Variants in LETMD1 observed in about 807,000 individuals in gnomAD.
The protein encoded by LETMD1 is LETM1 domain-containing protein 1.
Under a neutral mutation model 43.9 loss-of-function variants are expected in LETMD1, and 30 were observed. The observed-to-expected ratio is 0.68, with a 90% confidence interval of 0.51 to 0.93. The LOEUF (loss-of-function observed/expected upper bound fraction) is 0.93, where lower values mean the gene tolerates loss of function less well. LETMD1 is among the 40% of genes least tolerant of loss of function. LETMD1 has a pLI of 0.00. For missense variants in LETMD1, 413 were observed against 447.7 expected, an observed-to-expected ratio of 0.92 and a Z score of 0.70; for synonymous variants, 176 against 163.1, an observed-to-expected ratio of 1.08 and a Z score of -0.60.
intron 2 of LETMD1, among the ~76,000 whole-genome samples, chr12:51,050,169 A>G (rs951427308): frequency 2.0e-5 from 3 of 152,146 alleles, no homozygotes; most frequent in South Asian, 4.1e-4. Context: ...ATGTAGATAA[A>G]TAGGATCAAA....
At chr12:51,066,616 G>T in the LETMD1 span, among the ~76,000 whole-genome samples, 1 of 146,618 alleles carries the variant, frequency 6.8e-6, no homozygotes, top group Non-Finnish European at 1.5e-5. Context: ...ACTCCAGCCT[G>T]GGCGACAGAA....
At chr12:51,060,673 C>G (rs553043794), downstream of LETMD1, among the ~76,000 whole-genome samples, 1 of 151,962 alleles carries the variant, frequency 6.6e-6, no homozygotes, top group East Asian at 1.9e-4. Flanking sequence ...GAGGCTGAGG[C>G]GAGCGGATCA....
downstream of LETMD1, chr12:51,064,589 G>T: frequency 6.3e-7 from 1 of 1,598,792 alleles, no homozygotes; most frequent in Non-Finnish European, 8.5e-7. Flanking sequence ...TCCGGACCCG[G>T]ATTGGATTAA....
intron 3 of LETMD1, among the ~76,000 whole-genome samples, chr12:51,052,787 A>T (rs35713963): frequency 0.027 from 4,136 of 151,004 alleles, 85 homozygotes; most frequent in Non-Finnish European, 0.039. Flanking sequence ...TCTCAAAAAA[A>T]AATAATAATA....
chr12:51,059,310 G>T, intron 8 of LETMD1, 51 bp from the exon 9 acceptor site: 1 of 1,498,608 alleles, frequency 6.7e-7, no homozygotes, highest in Non-Finnish European at 9.3e-7. Flanking sequence ...ATATAACAAG[G>T]CAGTTATAAG....
chr12:51,050,327 A>G (rs1945677943), intron 2 of LETMD1, among the ~76,000 whole-genome samples: 1 of 151,794 alleles, frequency 6.6e-6, no homozygotes, highest in Non-Finnish European at 1.5e-5. Flanking sequence ...GATTCAAGCA[A>G]TTCTCCTGCC....
rs144918558 is a variant in LETMD1, at chr12:51,056,151, G to A, written c.668G>A (p.Arg223His). 211 of 1,614,152 alleles carry A rather than the reference G, an allele frequency of 1.3e-4. No individual in the cohort carries two copies. Among genetic ancestry groups the A allele is most frequent in the African/African-American group, 2.4e-4 (18 of 75,058 alleles). ...RLTDLCTKIQ[R>H]GTHPAIHDIL... ...TCTCTTACCTCTTCCAAGATACAGC[G>A]TGGTACCCACCCAGCAATACATGAT... The change falls in exon 6 of 9, where the codon CGT becomes CAT. Residue 223 changes from arginine (R) to histidine (H), a missense_variant. Physicochemically the swap from Arg to His is conservative, Grantham distance 29. Coordinates refer to ENST00000262055, the MANE Select transcript of LETMD1 (RefSeq NM_015416.5).
downstream of LETMD1, among the ~76,000 whole-genome samples, chr12:51,060,878 G>C (rs1474263719): frequency 2.0e-5 from 3 of 149,350 alleles, no homozygotes; most frequent in Non-Finnish European, 4.4e-5. Flanking sequence ...CTCCAGTCTG[G>C]GCGACAGAAT....
Position 51,048,536 on chromosome 12 carries a change from A to G in LETMD1, c.122+58A>G, listed in dbSNP as rs775722827. 11 of 1,594,332 alleles carry G rather than the reference A, an allele frequency of 6.9e-6. No homozygotes were observed. The Admixed American group carries it at 1.2e-4, about 17-fold the overall frequency. The stretch of plus-strand genomic sequence containing the variant: ...ACGTCCAGGCTCTTTCAGTGTCTCA[A>G]CCTTGCTTGCATTCTGTCTCTTAAT... On this transcript the variant is annotated intron_variant, in intron 1 of 8. Coordinates refer to ENST00000262055, the MANE Select transcript of LETMD1 (RefSeq NM_015416.5).
At position 51,060,345 on chromosome 12, in the gene LETMD1, T is replaced by C. The variant is rs978489862; in HGVS notation, c.*914T>C. On this transcript the variant is annotated 3_prime_UTR_variant, in exon 9 of 9. Transcript: ENST00000262055. ...TGTGTGCATCAGTGACTTAGAGTTCTGTAATAACTTATTGTAAATGCATGA... is the reference window on the plus strand; with the variant it reads ...TGTGTGCATCAGTGACTTAGAGTTCCGTAATAACTTATTGTAAATGCATGA... The C allele has an allele frequency of 2.0e-5, 3 of 152,530 alleles. No individual in the cohort carries two copies. Among genetic ancestry groups the C allele is most frequent in the African/African-American group, 7.2e-5 (3 of 41,478 alleles). 9.4% of individuals were successfully genotyped at this position (152,530 alleles called of 1,614,324 possible). A position where few individuals can be genotyped will look rare whatever the true frequency, so the allele number is the denominator to read the frequency against.
chr12:51,063,885 T>A (rs1203420271), downstream of LETMD1: 1 of 1,613,832 alleles, frequency 6.2e-7, no homozygotes, highest in Non-Finnish European at 8.5e-7. Context: ...AGGGTGGAAG[T>A]CTTCATTTTC....
At position 51,052,268 on chromosome 12, in the gene LETMD1, C is replaced by T. The variant is rs778050208; in HGVS notation, c.390+61C>T. 7.6e-6 allele frequency: 12 copies of T among 1,586,816 alleles called. 1 individual carries two copies. In the South Asian group the frequency reaches 1.4e-4, roughly 18 times the overall value. On this transcript the variant is annotated intron_variant, in intron 3 of 8. Coordinates refer to ENST00000262055, the MANE Select transcript of LETMD1 (RefSeq NM_015416.5). Reference sequence around the variant, plus strand: ...TGAGGTAATTACATTTAATCAAGATCTCAAGGTTTTTTCTTTCATTTGTTG... The same window carrying T: ...TGAGGTAATTACATTTAATCAAGATTTCAAGGTTTTTTCTTTCATTTGTTG...
chr12:51,068,072 G>T, the LETMD1 span: 1 of 1,113,296 alleles, frequency 9.0e-7, no homozygotes, highest in African/African-American at 1.6e-5. Flanking sequence ...CTGCAATCAT[G>T]GGAATATCTG....
the LETMD1 span, among the ~76,000 whole-genome samples, chr12:51,066,713 G>A: frequency 2.6e-5 from 4 of 151,810 alleles, no homozygotes; most frequent in East Asian, 7.7e-4. Flanking sequence ...AGCTCTGCTA[G>A]GCCAGGTCTG....
At position 51,058,094 on chromosome 12, in the gene LETMD1, G is replaced by A; in HGVS notation, c.978G>A (p.Leu326=). 2 of 1,613,304 alleles carry A rather than the reference G, an allele frequency of 1.2e-6. No homozygotes were observed. The highest frequency in any genetic ancestry group is 1.7e-6 in the Non-Finnish European group (2 of 1,179,218). Residue 326 remains leucine, a synonymous_variant, in exon 8 of 9, where the codon CTG becomes CTA. Coordinates refer to ENST00000262055, the MANE Select transcript of LETMD1 (RefSeq NM_015416.5). ...HIGEDRCRTW[L]GEWLQISCSL... Reference sequence around the variant, plus strand: ...GTGAAGATAGGTGTCGAACTTGGCTGGGAGAATGGCTGCAGATTTCCTGCA... The same window carrying A: ...GTGAAGATAGGTGTCGAACTTGGCTAGGAGAATGGCTGCAGATTTCCTGCA...
chr12:51,052,054 G>C, intron 2 of LETMD1, 38 bp from the exon 3 acceptor site: 1 of 1,580,568 alleles, frequency 6.3e-7, no homozygotes, highest in Non-Finnish European at 8.6e-7. Context: ...TTTAAACTGG[G>C]ATAACATCAC....
intron 2 of LETMD1, among the ~76,000 whole-genome samples, chr12:51,051,429 C>T (rs1946107017): frequency 6.9e-6 from 1 of 145,726 alleles, no homozygotes; most frequent in East Asian, 2.1e-4. Flanking sequence ...TGTTCCAGGC[C>T]GGGCGCAGTG....
the LETMD1 span, chr12:51,067,572 G>C: frequency 8.6e-7 from 1 of 1,161,132 alleles, no homozygotes; most frequent in Non-Finnish European, 1.2e-6. The surrounding 1 kb of genome is among the most constrained non-coding windows in gnomAD (Gnocchi z 4.1). Flanking sequence ...CACAACCATA[G>C]GGAATCCACC....
At chr12:51,064,090 C>T (rs577960933), downstream of LETMD1, 48 of 1,614,228 alleles carry the variant, frequency 3.0e-5, no homozygotes, top group Admixed American at 6.3e-4. Flanking sequence ...TCTCCTTTCA[C>T]TCCCAAGACT....
Sources: gnomAD v4.1 joint callset for allele counts (sites outside exome capture counted in the v4.1 genomes callset) on GRCh38, gnomAD v4.1.1 for gene constraint, Gnocchi (gnomAD v3.1) non-coding constraint, MANE v1.5 for transcripts, NCBI Gene and HGNC (gene_info 2026-07-23, HGNC 2026-07-21) for gene names.